EML1: variants seen among roughly 807,000 people sequenced by gnomAD.
EML1 encodes the protein echinoderm microtubule-associated protein-like 1.
A neutral mutation model predicts 110.4 loss-of-function variants in EML1; 27 were observed. That is an observed-to-expected ratio of 0.24 (90% CI 0.18 to 0.34). The LOEUF (loss-of-function observed/expected upper bound fraction) is 0.34, where lower values mean the gene tolerates loss of function less well. EML1 is among the 10% of genes least tolerant of loss of function. The pLI, the probability that EML1 is intolerant of heterozygous loss-of-function variation, is 1.00. For missense variants in EML1, 741 were observed against 1,030.9 expected (o/e 0.72, Z 3.85); for synonymous variants, 344 against 385.8 (o/e 0.89, Z 1.27).
chr14:99,752,350 A>C (rs911141741), intron 1 of EML1, among the ~76,000 whole-genome samples: 3 of 152,210 alleles, frequency 2.0e-5, no homozygotes, highest in Non-Finnish European at 4.4e-5. Context: ...AGACACACTC[A>C]TCACCAACGC....
intron 2 of EML1, among the ~76,000 whole-genome samples, chr14:99,854,884 A>G (rs1352309050): frequency 6.6e-6 from 1 of 152,210 alleles, no homozygotes; most frequent in Non-Finnish European, 1.5e-5. Flanking sequence ...ATACTCTGGT[A>G]GCAGAATACA....
At chr14:99,739,067 T>A (rs867749518) in intron 1 of EML1, among the ~76,000 whole-genome samples, 3 of 121,522 alleles carry the variant, frequency 2.5e-5, no homozygotes, top group Admixed American at 8.3e-5. Flanking sequence ...AGTGTGAGAG[T>A]GTGTGTGTGT....
intron 11 of EML1, 78 bp from the exon 12 acceptor site, chr14:99,910,164 A>G: frequency 9.1e-7 from 1 of 1,099,408 alleles, no homozygotes; most frequent in South Asian, 1.6e-5. Flanking sequence ...TGTTATTAGT[A>G]CAAATGAAAG....
intron 17 of EML1, among the ~76,000 whole-genome samples, chr14:99,933,039 C>G (rs953052768): frequency 3.3e-5 from 5 of 151,840 alleles, no homozygotes; most frequent in African/African-American, 1.2e-4. Context: ...TCGAGGAGGT[C>G]AAGGCTGTAG....
intron 1 of EML1, among the ~76,000 whole-genome samples, chr14:99,832,223 G>A (rs1028741038): frequency 3.9e-5 from 6 of 152,008 alleles, no homozygotes; most frequent in Non-Finnish European, 5.9e-5. Context: ...TGTTTTTATC[G>A]CTGGGCGCCA....
intron 1 of EML1, among the ~76,000 whole-genome samples, chr14:99,763,404 A>T (rs546019526): frequency 6.6e-6 from 1 of 152,228 alleles, no homozygotes; most frequent in South Asian, 2.1e-4. Context: ...ATATACGTGG[A>T]TTTATTGCAA....
intron 1 of EML1, among the ~76,000 whole-genome samples, chr14:99,776,329 C>T (rs1016676673): frequency 1.3e-5 from 2 of 152,014 alleles, no homozygotes; most frequent in Non-Finnish European, 2.9e-5. Context: ...ATGGTGAAAC[C>T]CCGTCTCAAC....
chr14:99,874,232 G>A (rs1448534822), intron 3 of EML1, among the ~76,000 whole-genome samples: 1 of 152,194 alleles, frequency 6.6e-6, no homozygotes, highest in African/African-American at 2.4e-5. Context: ...GGCACAAATT[G>A]TTGAATGCAT....
chr14:99,916,356 A>G (rs2060034095), intron 15 of EML1, among the ~76,000 whole-genome samples: 1 of 152,260 alleles, frequency 6.6e-6, no homozygotes, highest in Admixed American at 6.5e-5. Context: ...TCTGAGCTTA[A>G]TTACAGCTCC....
At position 99,940,102 on chromosome 14, in the gene EML1, G is replaced by A. The variant is rs138177688; in HGVS notation, c.2438G>A (p.Arg813His). 4.8e-5 allele frequency: 75 copies of A among 1,578,084 alleles called. No homozygotes were observed. The highest frequency in any genetic ancestry group is 1.4e-4 in the African/African-American group (10 of 72,690). Residue 813 changes from arginine (R) to histidine (H), a missense_variant, in exon 22 of 22, where the codon CGC becomes CAC. By Grantham distance (29) the Arg-to-His change is conservative. Transcript: ENST00000262233. Reference sequence around the variant, plus strand: ...AAAGACACAAGCATCATGCAGTGGCGCGTCATTTAGTACCCACCGAGAGCT... The same window carrying A: ...AAAGACACAAGCATCATGCAGTGGCACGTCATTTAGTACCCACCGAGAGCT... ...GGKDTSIMQW[R>H]VI
At chr14:99,884,901 G>A (rs779246153) in intron 4 of EML1, among the ~76,000 whole-genome samples, 3 of 152,122 alleles carry the variant, frequency 2.0e-5, no homozygotes, top group Non-Finnish European at 4.4e-5. Flanking sequence ...CTCATCCTTC[G>A]AGACCCAACT....
At chr14:99,929,707 AAG>A (rs138041566) in intron 17 of EML1, among the ~76,000 whole-genome samples, 4 of 151,696 alleles carry the variant, frequency 2.6e-5, no homozygotes, top group African/African-American at 7.3e-5. Context: ...CCTAAGACTA[AAG>A]AGAGAGAGAG....
At chr14:99,788,326 G>A (rs143496681) in intron 1 of EML1, among the ~76,000 whole-genome samples, 3 of 152,238 alleles carry the variant, frequency 2.0e-5, no homozygotes, top group South Asian at 2.1e-4. Context: ...ATTATACATC[G>A]CAACTCAGCA....
intron 19 of EML1, among the ~76,000 whole-genome samples, chr14:99,937,233 C>T (rs2060491417): frequency 6.6e-6 from 1 of 152,178 alleles, no homozygotes; most frequent in Non-Finnish European, 1.5e-5. Flanking sequence ...AGGGCGGCCG[C>T]ACCGTCTCAC....
intron 9 of EML1, 31 bp downstream of exon 9, chr14:99,901,070 T>C (rs1367876249): frequency 1.9e-6 from 3 of 1,571,206 alleles, no homozygotes; most frequent in Non-Finnish European, 2.6e-6. Flanking sequence ...TATTGCTGTC[T>C]TCTTCCACAG....
In EML1 at chr14:99,782,791, G is replaced by T. The variant is rs1313440892; in HGVS notation, c.-27+8778G>T. Among the ~76,000 whole-genome samples the T allele has an allele frequency of 2.0e-5, 3 of 152,132 alleles. No homozygotes were observed. In the East Asian group the frequency reaches 5.8e-4, roughly 29 times the overall value. On this transcript the variant is annotated intron_variant, in intron 1 of 22. Coordinates refer to the EML1 transcript ENST00000327921. The stretch of plus-strand genomic sequence containing the variant: ...TGGAAAAGCCTGTGAAGGAGATGAT[G>T]GGAGGGGAGTAGGCAAGCCTCAGTA...
chr14:99,836,270 A>G (rs1041914742), intron 1 of EML1, among the ~76,000 whole-genome samples: 11 of 152,140 alleles, frequency 7.2e-5, no homozygotes, highest in African/African-American at 2.7e-4. Flanking sequence ...ATATGCACCT[A>G]TTTCATTTCT....
chr14:99,813,694 C>T (rs779845343), intron 1 of EML1, among the ~76,000 whole-genome samples: 1 of 151,964 alleles, frequency 6.6e-6, no homozygotes, highest in Non-Finnish European at 1.5e-5. Context: ...GGAGGCAGAG[C>T]AAGACTCTGT....
chr14:99,741,082 A>G (rs1049844462), intron 1 of EML1, among the ~76,000 whole-genome samples: 1 of 152,220 alleles, frequency 6.6e-6, no homozygotes, highest in Admixed American at 6.5e-5. Context: ...ATCAGAGACC[A>G]GGGTTCAAAT....
Sources: gnomAD v4.1 joint callset for allele counts (sites outside exome capture counted in the v4.1 genomes callset) on GRCh38, gnomAD v4.1.1 for gene constraint, MANE v1.5 for transcripts, NCBI Gene and HGNC (gene_info 2026-07-23, HGNC 2026-07-21) for gene names.